ENTPD7: variants seen among roughly 807,000 people sequenced by gnomAD.
ENTPD7 encodes ectonucleoside triphosphate diphosphohydrolase 7, also known as NTPDase 7.
In ENTPD7, 53 loss-of-function variants were observed where a neutral mutation model predicts 77.9. That is an observed-to-expected ratio of 0.68 (90% CI 0.55 to 0.85). ENTPD7 has a LOEUF of 0.85. ENTPD7 is among the 40% of genes least tolerant of loss of function. The pLI is 0.00. For synonymous variants in ENTPD7, 248 were observed against 274.9 expected (o/e 0.90, Z 0.97); for missense variants, 636 against 743.7 (o/e 0.86, Z 1.68).
rs920092544 is a variant in ENTPD7 at position 99,707,589 on chromosome 10, C to T, written c.*2906C>T. On this transcript the variant is annotated 3_prime_UTR_variant, in exon 13 of 13. Coordinates refer to ENST00000370489, the MANE Select transcript of ENTPD7 (RefSeq NM_020354.5). ...CATAAAATTCACATTCCACTGGTTCCTTTGAATCTTACCAACCACTCTTGT... is the reference window on the plus strand; with the variant it reads ...CATAAAATTCACATTCCACTGGTTCTTTTGAATCTTACCAACCACTCTTGT... Among the ~76,000 whole-genome samples, 2 of 152,172 alleles carry T rather than the reference C, an allele frequency of 1.3e-5. No individual in the cohort carries two copies. The highest frequency in any genetic ancestry group is 4.8e-5 in the African/African-American group (2 of 41,428).
intron 3 of ENTPD7, among the ~76,000 whole-genome samples, chr10:99,666,854 C>T (rs1014575402): frequency 1.3e-5 from 2 of 152,176 alleles, no homozygotes; most frequent in East Asian, 1.9e-4. Context: ...TGTGTGGATA[C>T]TCACGGTATA....
At chr10:99,681,155 T>G (rs1210368072) in intron 5 of ENTPD7, among the ~76,000 whole-genome samples, 1 of 152,230 alleles carries the variant, frequency 6.6e-6, no homozygotes, top group East Asian at 1.9e-4. Flanking sequence ...TCTTGGTTAT[T>G]GTAAATAATG....
In ENTPD7 at chr10:99,659,886, G is replaced by A; in HGVS notation, c.-71G>A. 1 of 1,610,642 alleles carries A rather than the reference G, an allele frequency of 6.2e-7. No individual in the cohort carries two copies. Among genetic ancestry groups the A allele is most frequent in the Non-Finnish European group, 8.5e-7 (1 of 1,177,408 alleles). Reference sequence around the variant, plus strand: ...GGCTGCAGACGTAGGAGATGCCTGGGACAAGGAGGCCACCTTCTCAGGGCA... The same window carrying A: ...GGCTGCAGACGTAGGAGATGCCTGGAACAAGGAGGCCACCTTCTCAGGGCA... On this transcript the variant is annotated 5_prime_UTR_variant, in exon 2 of 13. Coordinates refer to ENST00000370489, the MANE Select transcript of ENTPD7 (RefSeq NM_020354.5). This position sits in a 1 kb window ranked among gnomAD's most constrained non-coding sequence, Gnocchi z 4.1.
chr10:99,700,480 T>C (rs1436487401), intron 10 of ENTPD7, among the ~76,000 whole-genome samples: 2 of 151,634 alleles, frequency 1.3e-5, no homozygotes, highest in Non-Finnish European at 2.9e-5. Flanking sequence ...AATGTAAGCT[T>C]CCTGAGGACA....
At chr10:99,675,036 G>A (rs1190842420) in intron 3 of ENTPD7, among the ~76,000 whole-genome samples, 2 of 152,104 alleles carry the variant, frequency 1.3e-5, no homozygotes, top group Non-Finnish European at 2.9e-5. Flanking sequence ...TGAATTATGA[G>A]GTAAACCCAG....
In ENTPD7 at chr10:99,708,243, G is replaced by A. The variant is rs1325267882; in HGVS notation, c.*3560G>A. The stretch of plus-strand genomic sequence containing the variant: ...GCTGAAAAATGTCTGCCATGCACTT[G>A]CTAAGCTAGTGTTTTTAGGCATTAA... On this transcript the variant is annotated 3_prime_UTR_variant, in exon 13 of 13. Coordinates refer to ENST00000370489, the MANE Select transcript of ENTPD7 (RefSeq NM_020354.5). Among the ~76,000 whole-genome samples, 3 of 151,382 alleles carry A rather than the reference G, an allele frequency of 2.0e-5. No individual in the cohort carries two copies. Among genetic ancestry groups the A allele is most frequent in the African/African-American group, 7.3e-5 (3 of 41,156 alleles).
intron 9 of ENTPD7, among the ~76,000 whole-genome samples, chr10:99,697,173 A>G (rs2036000426): frequency 6.6e-6 from 1 of 152,194 alleles, no homozygotes; most frequent in Non-Finnish European, 1.5e-5. Flanking sequence ...CTAGGAGTTC[A>G]AGGTGCTTTG....
In ENTPD7 at chr10:99,705,252, C is replaced by G. The variant is rs1443060119; in HGVS notation, c.*569C>G. 1 of 158,518 alleles carries G rather than the reference C, an allele frequency of 6.3e-6. No homozygotes were observed. The highest frequency in any genetic ancestry group is 1.4e-5 in the Non-Finnish European group (1 of 71,224). 9.8% of individuals were successfully genotyped at this position (158,518 alleles called of 1,614,324 possible). A position where few individuals can be genotyped will look rare whatever the true frequency, so the allele number is the denominator to read the frequency against. ...CTTGCTTCCTTGACAAAGAAGCCAT[C>G]ATGGGTGTGATCCAAGATCCCTGTC... On this transcript the variant is annotated 3_prime_UTR_variant, in exon 13 of 13. Transcript: ENST00000370489.
At chr10:99,696,721 T>G (rs1257376837) in intron 9 of ENTPD7, among the ~76,000 whole-genome samples, 2 of 152,244 alleles carry the variant, frequency 1.3e-5, no homozygotes, top group Non-Finnish European at 2.9e-5. Context: ...TCTTTTTTGT[T>G]TTTTAAGTCT....
chr10:99,700,826 G>A (rs1367497073), intron 10 of ENTPD7, 147 bp from the exon 11 acceptor site: 2 of 716,622 alleles, frequency 2.8e-6, no homozygotes, highest in East Asian at 5.0e-5. Context: ...ATGACGCAGT[G>A]TTTAGTGAAT....
intron 2 of ENTPD7, among the ~76,000 whole-genome samples, chr10:99,660,743 G>C (rs1055620096): frequency 1.1e-4 from 17 of 152,080 alleles, no homozygotes; most frequent in African/African-American, 3.9e-4. Context: ...TGGCCAAGTA[G>C]AAACCCGGTC....
rs190644094 is a variant in ENTPD7, at chr10:99,709,800, C to G, written c.*5117C>G. Reference sequence around the variant, plus strand: ...TGTTATTACACATTTCTCTTTTGCTCTAATATTTCATTATTTTCCAGTTTG... The same window carrying G: ...TGTTATTACACATTTCTCTTTTGCTGTAATATTTCATTATTTTCCAGTTTG... On this transcript the variant is annotated 3_prime_UTR_variant, in exon 13 of 13. Coordinates refer to ENST00000370489, the MANE Select transcript of ENTPD7 (RefSeq NM_020354.5). 5.1e-5 allele frequency: 50 copies of G among 985,298 alleles called. No individual in the cohort carries two copies. The African/African-American group carries it at 8.7e-4, about 17-fold the overall frequency. The allele number at this position is 985,298 out of a possible 1,614,324, so 61.0% of individuals were successfully genotyped here.
intron 3 of ENTPD7, among the ~76,000 whole-genome samples, chr10:99,674,076 C>T (rs534521053): frequency 6.6e-6 from 1 of 152,256 alleles, no homozygotes; most frequent in African/African-American, 2.4e-5. Context: ...ATTCTGGGTA[C>T]TACCAGTCAG....
At chr10:99,676,350 G>T (rs1404891069) in intron 3 of ENTPD7, among the ~76,000 whole-genome samples, 1 of 151,816 alleles carries the variant, frequency 6.6e-6, no homozygotes, top group Non-Finnish European at 1.5e-5. Flanking sequence ...AGCTCTTTGG[G>T]GTTCAATAAG....
intron 3 of ENTPD7, among the ~76,000 whole-genome samples, chr10:99,669,111 C>A (rs1400957603): frequency 1.3e-5 from 2 of 149,084 alleles, no homozygotes; most frequent in Admixed American, 6.7e-5. Context: ...CTCCTAGGCT[C>A]AAGCAATCCA....
At chr10:99,673,461 G>C (rs544651162) in intron 3 of ENTPD7, among the ~76,000 whole-genome samples, 1 of 152,330 alleles carries the variant, frequency 6.6e-6, no homozygotes, top group South Asian at 2.1e-4. Flanking sequence ...CAGAGTTCCA[G>C]GAAAAGGTAA....
At chr10:99,679,632 C>A in intron 4 of ENTPD7, 93 bp from the exon 5 acceptor site, 1 of 1,491,280 alleles carries the variant, frequency 6.7e-7, no homozygotes, top group Non-Finnish European at 9.0e-7. Flanking sequence ...TGTTTAGGAC[C>A]TTGAGGAGAA....
In ENTPD7 at chr10:99,696,199, C is replaced by T. The variant is rs948046504; in HGVS notation, c.1010+77C>T. On this transcript the variant is annotated intron_variant, in intron 9 of 12. Coordinates refer to ENST00000370489, the MANE Select transcript of ENTPD7 (RefSeq NM_020354.5). Reference sequence around the variant, plus strand: ...TATTAGGGAGAAATACTCACATCCTCCTAAGACAGATAAGTCCCTGCTTCC... The same window carrying T: ...TATTAGGGAGAAATACTCACATCCTTCTAAGACAGATAAGTCCCTGCTTCC... 15 of 1,521,400 alleles carry T rather than the reference C, an allele frequency of 9.9e-6. No homozygotes were observed. In the African/African-American group the frequency reaches 1.8e-4, roughly 18 times the overall value. 94.2% of individuals were successfully genotyped at this position (1,521,400 alleles called of 1,614,324 possible).
chr10:99,673,393 T>C (rs895769603), intron 3 of ENTPD7, among the ~76,000 whole-genome samples: 31 of 152,132 alleles, frequency 2.0e-4, no homozygotes, highest in African/African-American at 6.0e-4. Context: ...GGAGCCTAAA[T>C]AGAGGAAGGC....
Sources: allele counts gnomAD v4.1 joint callset (sites outside exome capture counted in the v4.1 genomes callset), GRCh38; gene constraint gnomAD v4.1.1; non-coding constraint Gnocchi (gnomAD v3.1); transcripts MANE v1.5; gene names NCBI Gene and HGNC (gene_info 2026-07-23, HGNC 2026-07-21).